Variants in SPECC1L observed in about 807,000 individuals in gnomAD.
SPECC1L encodes the protein cytospin-A.
Under a neutral mutation model 116.8 loss-of-function variants are expected in SPECC1L, and 40 were observed. The observed-to-expected ratio is 0.34, with a 90% CI of 0.27 to 0.45. The LOEUF (loss-of-function observed/expected upper bound fraction) is 0.45, where lower values mean the gene tolerates loss of function less well. Among genes scored for constraint, SPECC1L ranks in the 20% least tolerant of loss-of-function variants. The pLI is 1.00. For synonymous variants in SPECC1L, 504 were observed against 500.6 expected, an observed-to-expected ratio of 1.01 and a Z score of -0.09; for missense variants, 1,110 against 1,373.6, an observed-to-expected ratio of 0.81 and a Z score of 3.03.
chr22:24,326,489 A>C (rs115954228), intron 6 of SPECC1L, among the ~76,000 whole-genome samples: 2 of 152,130 alleles, frequency 1.3e-5, no homozygotes, highest in African/African-American at 4.8e-5. Flanking sequence ...TGCTTTACCC[A>C]AACCAGATTA....
chr22:24,335,716 G>C (rs1026124571), intron 9 of SPECC1L, among the ~76,000 whole-genome samples: 1 of 152,084 alleles, frequency 6.6e-6, no homozygotes, highest in Non-Finnish European at 1.5e-5. Context: ...ACACACTGTT[G>C]GTGTAGACAT....
Position 24,329,250 on chromosome 22 carries a change from G to A in SPECC1L, c.2220+331G>A, listed in dbSNP as rs191264044. The stretch of plus-strand genomic sequence containing the variant: ...GATTTCGGATTTTCAGATTTGGGAT[G>A]CTTAGCTGTTAAGTATAGTGCAAAT... On this transcript the variant is annotated intron_variant, in intron 7 of 16. Transcript: ENST00000314328. Among the ~76,000 whole-genome samples the A allele has an allele frequency of 1.5e-4, 23 of 152,324 alleles. No homozygotes were observed. The East Asian group carries it at 4.4e-3, about 29-fold the overall frequency.
At chr22:24,283,975 G>T (rs779074221) in intron 2 of SPECC1L, among the ~76,000 whole-genome samples, 81 of 152,234 alleles carry the variant, frequency 5.3e-4, no homozygotes, top group Middle Eastern at 3.4e-3. Flanking sequence ...CTGGTAATTT[G>T]TGTCCTCTCT....
chr22:24,349,650 A>G (rs1156590387), intron 11 of SPECC1L, among the ~76,000 whole-genome samples: 2 of 152,168 alleles, frequency 1.3e-5, no homozygotes, highest in East Asian at 3.9e-4. Context: ...CTCCATCTCC[A>G]TTCATGGCAG....
chr22:24,356,792 C>A (rs1440434367), intron 11 of SPECC1L, among the ~76,000 whole-genome samples: 2 of 152,106 alleles, frequency 1.3e-5, no homozygotes, highest in African/African-American at 2.4e-5. Flanking sequence ...TGTTTTATCT[C>A]TCCTACTGAC....
At chr22:24,403,210 C>T (rs1050634898) in intron 14 of SPECC1L, among the ~76,000 whole-genome samples, 17 of 152,108 alleles carry the variant, frequency 1.1e-4, no homozygotes, top group African/African-American at 3.6e-4. Context: ...TGTGCAGAGG[C>T]CGTTTTGAAA....
intron 1 of SPECC1L, among the ~76,000 whole-genome samples, chr22:24,275,211 A>G (rs75955926): frequency 6.3e-3 from 861 of 136,706 alleles, no homozygotes; most frequent in East Asian, 0.027. Flanking sequence ...GTGGCTTGAC[A>G]GAAAGTTGTT....
At chr22:24,373,925 A>G (rs997786675) in intron 14 of SPECC1L, among the ~76,000 whole-genome samples, 2 of 152,156 alleles carry the variant, frequency 1.3e-5, no homozygotes, top group African/African-American at 2.4e-5. Flanking sequence ...AAACAAATAT[A>G]CAAGAAAAAA....
chr22:24,383,042 A>G (rs531644084), intron 14 of SPECC1L, among the ~76,000 whole-genome samples: 1 of 152,344 alleles, frequency 6.6e-6, no homozygotes, highest in African/African-American at 2.4e-5. Context: ...AGGAGTAGGT[A>G]GACAAAAAAA....
intron 2 of SPECC1L, among the ~76,000 whole-genome samples, chr22:24,290,274 G>T (rs1277869738): frequency 1.3e-5 from 2 of 152,210 alleles, no homozygotes; most frequent in African/African-American, 4.8e-5. Context: ...AAGGGGGAGT[G>T]CCTACCTGGA....
rs533376173 is a variant in SPECC1L, at chr22:24,328,147, T to G, written c.2147-699T>G. Among the ~76,000 whole-genome samples the G allele has an allele frequency of 5.9e-5, 9 of 152,288 alleles. No homozygotes were observed. In the East Asian group the frequency reaches 1.3e-3, roughly 23 times the overall value. ...AAAGAGAAGGTGACTTCCCTTTACGTTTCTGGTTCCAGGGAGACTAGCCTG... is the reference window on the plus strand; with the variant it reads ...AAAGAGAAGGTGACTTCCCTTTACGGTTCTGGTTCCAGGGAGACTAGCCTG... On this transcript the variant is annotated intron_variant, in intron 6 of 16. Coordinates refer to ENST00000314328, the MANE Select transcript of SPECC1L (RefSeq NM_015330.6).
At chr22:24,392,773 T>A (rs186890342) in intron 14 of SPECC1L, among the ~76,000 whole-genome samples, 1 of 152,172 alleles carries the variant, frequency 6.6e-6, no homozygotes, top group Non-Finnish European at 1.5e-5. Flanking sequence ...GAGTTTACAG[T>A]TTGGGTGGGG....
At chr22:24,322,954 A>G in intron 5 of SPECC1L, 36 bp downstream of exon 5, 8 of 1,612,086 alleles carry the variant, frequency 5.0e-6, no homozygotes, top group Non-Finnish European at 6.8e-6. Flanking sequence ...TCCGGACAGC[A>G]TTAGGCAGCT....
At chr22:24,274,514 A>C (rs6004120) in intron 1 of SPECC1L, among the ~76,000 whole-genome samples, 187 of 152,344 alleles carry the variant, frequency 1.2e-3, no homozygotes, top group African/African-American at 4.1e-3. Context: ...CTGAAGACTG[A>C]CTGACTGCTC....
intron 13 of SPECC1L, among the ~76,000 whole-genome samples, chr22:24,367,194 A>T (rs1029057568): frequency 6.6e-6 from 1 of 152,192 alleles, no homozygotes; most frequent in Non-Finnish European, 1.5e-5. Flanking sequence ...CTCTGTCTTT[A>T]AAAAAGTGAC....
At chr22:24,376,666 C>G (rs571901379) in intron 14 of SPECC1L, among the ~76,000 whole-genome samples, 3 of 152,204 alleles carry the variant, frequency 2.0e-5, no homozygotes, top group Admixed American at 1.3e-4. Context: ...GGAAAGAAGC[C>G]GAACATAAAA....
At chr22:24,303,140 A>G (rs781319436) in intron 3 of SPECC1L, among the ~76,000 whole-genome samples, 10 of 152,144 alleles carry the variant, frequency 6.6e-5, no homozygotes, top group South Asian at 2.1e-4. Flanking sequence ...TGATCTGTTC[A>G]TTCCAGGCAG....
At chr22:24,361,881 GAAAAAGAAGA>G (rs536066839) in intron 11 of SPECC1L, among the ~76,000 whole-genome samples, 8 of 151,946 alleles carry the variant, frequency 5.3e-5, no homozygotes, top group African/African-American at 1.7e-4. Context: ...GAAGGAGGAG[GAAAAAGAAGA>G]AAAAAGAAGA....
chr22:24,382,135 A>AATT (rs1448260337), intron 14 of SPECC1L, among the ~76,000 whole-genome samples: 2 of 152,362 alleles, frequency 1.3e-5, no homozygotes, highest in East Asian at 3.9e-4. Flanking sequence ...ACAAAAATAA[A>AATT]TATCTTTGAA....
Sources: allele counts gnomAD v4.1 joint callset (sites outside exome capture counted in the v4.1 genomes callset), GRCh38; gene constraint gnomAD v4.1.1; transcripts MANE v1.5; gene names NCBI Gene and HGNC (gene_info 2026-07-23, HGNC 2026-07-21).